TBCD: variants seen among roughly 807,000 people sequenced by gnomAD.
TBCD encodes tubulin-specific chaperone D.
TBCD carries 105 observed loss-of-function variants against 169.3 expected under a neutral mutation model. The observed-to-expected ratio is 0.62, with a 90% confidence interval of 0.53 to 0.73. TBCD has a LOEUF of 0.73. Among genes scored for constraint, TBCD ranks in the 30% least tolerant of loss-of-function variants. The pLI, the probability that TBCD is intolerant of heterozygous loss-of-function variation, is 0.00. For synonymous variants in TBCD, 700 were observed against 643.9 expected (o/e 1.09, Z -1.32); for missense variants, 1,444 against 1,600.1 (o/e 0.90, Z 1.66).
At chr17:82,827,868 CCCACAGGCACACGTGCACACCCACA>C (rs1172647771) in intron 13 of TBCD, among the ~76,000 whole-genome samples, 2 of 144,202 alleles carry the variant, frequency 1.4e-5, no homozygotes, top group African/African-American at 5.3e-5. Context: ...CACACACCCC[CCCACAGGCACACGTGCACACCCACA>C]CAATCTAATG....
In TBCD at chr17:82,938,079, C is replaced by T. The variant is rs200708068; in HGVS notation, c.3312C>T (p.Asp1104=). Residue 1104 remains aspartate (D), a synonymous_variant, in exon 36 of 39, where the codon GAC becomes GAT. Coordinates refer to ENST00000355528, the MANE Select transcript of TBCD (RefSeq NM_005993.5). ...GCGAGATGGTGCAGTTCCCCGGCGA[C>T]GTGAGGAGGCAGGCCCTCCTGCAGC... ...VFCEMVQFPG[D]VRRQALLQLC... The T allele has an allele frequency of 6.8e-6, 11 of 1,612,934 alleles. No homozygotes were observed. The highest frequency in any genetic ancestry group is 2.2e-5 in the East Asian group (1 of 44,886).
At position 82,874,058 on chromosome 17, in the gene TBCD, C is replaced by T. The variant is rs889646646; in HGVS notation, c.1475+3678C>T. ...AGCAGCTGCCACGTGTGGACCGGCA[C>T]GGGCATGGTCGTGGTCTGCCCAGCT... On this transcript the variant is annotated intron_variant, in intron 14 of 38. Transcript: ENST00000355528. This position sits in a 1 kb window ranked among gnomAD's most constrained non-coding sequence, Gnocchi z 5.0. Among the ~76,000 whole-genome samples, 3 of 152,206 alleles carry T rather than the reference C, an allele frequency of 2.0e-5. No homozygotes were observed. Among genetic ancestry groups the T allele is most frequent in the African/African-American group, 4.8e-5 (2 of 41,444 alleles).
chr17:82,938,341 G>A (rs144762336), intron 36 of TBCD, among the ~76,000 whole-genome samples: 11 of 152,320 alleles, frequency 7.2e-5, no homozygotes, highest in African/African-American at 2.4e-4. Context: ...CGGGCTGTCC[G>A]GCTGGCGTTT....
chr17:82,927,693 C>T (rs1000492034), intron 29 of TBCD, among the ~76,000 whole-genome samples: 17 of 152,070 alleles, frequency 1.1e-4, no homozygotes, highest in African/African-American at 3.4e-4. Context: ...CTCGGGGCCC[C>T]GGTGTGTGTG....
intron 13 of TBCD, chr17:82,829,782 A>G (rs557352277): frequency 6.6e-4 from 149 of 224,500 alleles, no homozygotes; most frequent in African/African-American, 3.1e-3. Flanking sequence ...TTTACATCAA[A>G]TATGCAGCTA....
At chr17:82,849,368 T>G (rs2055454312) in intron 13 of TBCD, among the ~76,000 whole-genome samples, 1 of 152,202 alleles carries the variant, frequency 6.6e-6, no homozygotes, top group Non-Finnish European at 1.5e-5. Context: ...CCACTGTTTC[T>G]CCTCAGCTAA....
At chr17:82,794,600 G>C (rs2049972912) in intron 7 of TBCD, among the ~76,000 whole-genome samples, 1 of 152,182 alleles carries the variant, frequency 6.6e-6, no homozygotes, top group Admixed American at 6.5e-5. Context: ...CGCTCTCTCT[G>C]GCCGCGTCCT....
chr17:82,877,159 T>TCGG (rs2146110050), intron 14 of TBCD, among the ~76,000 whole-genome samples: 1 of 152,362 alleles, frequency 6.6e-6, no homozygotes, highest in South Asian at 2.1e-4. Flanking sequence ...TAGAAGCCTG[T>TCGG]GTTCCTCTTG....
rs534816273 is a variant in TBCD at position 82,833,150 on chromosome 17, C to A, written c.1318+18216C>A. Reference sequence around the variant, plus strand: ...AATACGAAGGGGTTTGTGGCTGTTTCCCCTTAACATGTACCCACAGTCACA... The same window carrying A: ...AATACGAAGGGGTTTGTGGCTGTTTACCCTTAACATGTACCCACAGTCACA... On this transcript the variant is annotated intron_variant, in intron 13 of 38. Coordinates refer to ENST00000355528, the MANE Select transcript of TBCD (RefSeq NM_005993.5). This position sits in a 1 kb window ranked among gnomAD's most constrained non-coding sequence, Gnocchi z 4.7. Among the ~76,000 whole-genome samples the A allele has an allele frequency of 6.6e-6, 1 of 152,194 alleles. No homozygotes were observed. The highest frequency in any genetic ancestry group is 1.5e-5 in the Non-Finnish European group (1 of 68,016).
chr17:82,758,400 A>AAAAAAAAT (rs1035939621), intron 2 of TBCD, among the ~76,000 whole-genome samples: 6 of 100,056 alleles, frequency 6.0e-5, no homozygotes, highest in South Asian at 3.8e-4. Flanking sequence ...AAAAAAAAAA[A>AAAAAAAAT]AAATAAATAA....
At chr17:82,758,602 G>C (rs2047569935) in intron 2 of TBCD, among the ~76,000 whole-genome samples, 2 of 148,420 alleles carry the variant, frequency 1.3e-5, no homozygotes. Flanking sequence ...TGTAGTCGTG[G>C]GATGCTGGTC....
intron 23 of TBCD, among the ~76,000 whole-genome samples, chr17:82,917,598 A>G (rs1258642058): frequency 6.6e-6 from 1 of 152,174 alleles, no homozygotes; most frequent in African/African-American, 2.4e-5. Flanking sequence ...TCCCAGAGAG[A>G]CTTGATGTTG....
chr17:82,858,920 G>A (rs563712849), intron 13 of TBCD, among the ~76,000 whole-genome samples: 2 of 152,228 alleles, frequency 1.3e-5, no homozygotes, highest in African/African-American at 4.8e-5. Flanking sequence ...TCCTGCGGGG[G>A]GATGAGTGCG....
chr17:82,856,930 C>T (rs1251090218), intron 13 of TBCD, among the ~76,000 whole-genome samples: 4 of 144,150 alleles, frequency 2.8e-5, no homozygotes, highest in South Asian at 2.2e-4. Context: ...ACCCTCGGTG[C>T]GCATCCAGGG....
rs1030329653 is a variant in TBCD at position 82,900,801 on chromosome 17, A to G, written c.1730+70A>G. On this transcript the variant is annotated intron_variant, in intron 18 of 38. Coordinates refer to ENST00000355528, the MANE Select transcript of TBCD (RefSeq NM_005993.5). ...AAAGGAGAGATTCAGTTGAGCTTATAAGCCTTGAGTGTATTTTCTCACTGT... is the reference window on the plus strand; with the variant it reads ...AAAGGAGAGATTCAGTTGAGCTTATGAGCCTTGAGTGTATTTTCTCACTGT... The G allele has an allele frequency of 1.6e-5, 19 of 1,152,016 alleles. No individual in the cohort carries two copies. In the South Asian group the frequency reaches 2.4e-4, roughly 14 times the overall value. The allele number at this position is 1,152,016 out of a possible 1,614,324, so 71.4% of individuals were successfully genotyped here. A position where few individuals can be genotyped will look rare whatever the true frequency, so the allele number is the denominator to read the frequency against.
chr17:82,873,399 A>T (rs571948762), intron 14 of TBCD, among the ~76,000 whole-genome samples: 2 of 152,218 alleles, frequency 1.3e-5, no homozygotes, highest in East Asian at 3.9e-4. Flanking sequence ...AGGGTCGTGT[A>T]TGGGCCATCA....
chr17:82,800,566 G>A (rs527970539), intron 8 of TBCD, among the ~76,000 whole-genome samples: 16 of 152,216 alleles, frequency 1.1e-4, no homozygotes, highest in Admixed American at 2.6e-4. Context: ...TGGGGTCTCC[G>A]TGGCTGCAGT....
In TBCD at chr17:82,835,640, G is replaced by C. The variant is rs1028507977; in HGVS notation, c.1318+20706G>C. Reference sequence around the variant, plus strand: ...GGGTTTCACTATGTTGGCCCGGCTGGTCTTGAACTCCTGACCTCAGGCGAT... The same window carrying C: ...GGGTTTCACTATGTTGGCCCGGCTGCTCTTGAACTCCTGACCTCAGGCGAT... On this transcript the variant is annotated intron_variant, in intron 13 of 38. Coordinates refer to ENST00000355528, the MANE Select transcript of TBCD (RefSeq NM_005993.5). The surrounding 1 kb of genome is among the most constrained non-coding windows in gnomAD (Gnocchi z 4.5). Among the ~76,000 whole-genome samples, 1 of 151,982 alleles carries C rather than the reference G, an allele frequency of 6.6e-6. No homozygotes were observed. Among genetic ancestry groups the C allele is most frequent in the African/African-American group, 2.4e-5 (1 of 41,368 alleles).
chr17:82,929,653 G>A (rs1186755972), intron 32 of TBCD, 153 bp downstream of exon 32: 1 of 1,082,420 alleles, frequency 9.2e-7, no homozygotes, highest in Non-Finnish European at 1.4e-6. Flanking sequence ...GGGGCCCAGT[G>A]TCTTCCTCAT....
Sources: gnomAD v4.1 joint callset for allele counts (sites outside exome capture counted in the v4.1 genomes callset) on GRCh38, gnomAD v4.1.1 for gene constraint, Gnocchi (gnomAD v3.1) non-coding constraint, MANE v1.5 for transcripts, NCBI Gene and HGNC (gene_info 2026-07-23, HGNC 2026-07-21) for gene names.